KCTD2: variants seen among roughly 807,000 people sequenced by gnomAD.
KCTD2 encodes BTB/POZ domain-containing protein KCTD2.
In KCTD2, 18 loss-of-function variants were observed where a neutral mutation model predicts 27.9. The observed-to-expected ratio is 0.64, with a 90% CI of 0.45 to 0.96. The LOEUF is 0.96. Among genes scored for constraint, KCTD2 ranks in the 40% least tolerant of loss-of-function variants. The probability of loss-of-function intolerance (pLI) is 0.00; values close to 1 mark genes in which losing one functional copy is unlikely to be tolerated. For missense variants in KCTD2, 280 were observed against 348.0 expected, an observed-to-expected ratio of 0.80 and a Z score of 1.56; for synonymous variants, 175 against 148.4, an observed-to-expected ratio of 1.18 and a Z score of -1.30.
intron 5 of KCTD2, 77 bp downstream of exon 5, chr17:75,062,322 T>C: frequency 7.1e-7 from 1 of 1,410,730 alleles, no homozygotes; most frequent in South Asian, 1.4e-5. Flanking sequence ...CCTGAACTCT[T>C]GCTCCTCACT....
intron 2 of KCTD2, among the ~76,000 whole-genome samples, chr17:75,051,037 A>T (rs532394237): frequency 2.8e-5 from 4 of 143,208 alleles, no homozygotes; most frequent in Admixed American, 1.4e-4. Flanking sequence ...GCAGTGGCGC[A>T]ATCTCGGCTC....
intron 1 of KCTD2, chr17:75,033,082 C>T (rs2040079676): frequency 6.6e-6 from 1 of 152,210 alleles, no homozygotes; most frequent in African/African-American, 2.4e-5. Context: ...TGAACTTCTT[C>T]TGTTAAATCC....
At chr17:75,043,270 T>C (rs1207846439), upstream of KCTD2, among the ~76,000 whole-genome samples, 1 of 152,094 alleles carries the variant, frequency 6.6e-6, no homozygotes, top group Non-Finnish European at 1.5e-5. Context: ...AAGTGTGCAA[T>C]GTGGCATACA....
Position 75,040,322 on chromosome 17 carries a change from G to A in KCTD2, c.-259+4965G>A, listed in dbSNP as rs1373046724. 1.8e-5 allele frequency: 14 copies of A among 763,838 alleles called. No homozygotes were observed. The East Asian group carries it at 2.0e-4, about 11-fold the overall frequency. 47.3% of individuals were successfully genotyped at this position (763,838 alleles called of 1,614,324 possible). ...CTGTGTCCCAAGCGGAAACGAATAC[G>A]CATCTCAATACTGGAGTAGAAAGAA... On this transcript the variant is annotated intron_variant, in intron 3 of 7. Coordinates refer to the KCTD2 transcript ENST00000581589.
intron 3 of KCTD2, among the ~76,000 whole-genome samples, chr17:75,057,909 T>C (rs1395213700): frequency 2.0e-5 from 3 of 151,352 alleles, no homozygotes; most frequent in Admixed American, 1.3e-4. Context: ...AATACAGCAT[T>C]GTCGGCCGGA....
upstream of KCTD2, chr17:75,042,358 C>T: frequency 2.6e-6 from 4 of 1,533,942 alleles, no homozygotes; most frequent in Non-Finnish European, 3.6e-6. Flanking sequence ...TCCCTTCTTC[C>T]TATGGCCTGG....
At chr17:75,038,962 A>G (rs1567986442) in intron 3 of KCTD2, 1 of 1,614,140 alleles carries the variant, frequency 6.2e-7, no homozygotes, top group Non-Finnish European at 8.5e-7. Context: ...GGTGAGGCCA[A>G]TAGGGATACT....
chr17:75,065,709 G>C lies in KCTD2; in HGVS notation c.*2662G>C, dbSNP rs888413893. ...AGTGAGGCTGGGAGCAGGGAGCCAC[G>C]GGATGCTGAGAGAGGAGGCCCGAGA... On this transcript the variant is annotated 3_prime_UTR_variant, in exon 6 of 6. Transcript: ENST00000322444. 1.3e-5 allele frequency: 2 copies of C among 152,290 alleles called. No individual in the cohort carries two copies. Among genetic ancestry groups the C allele is most frequent in the African/African-American group, 4.8e-5 (2 of 41,446 alleles). 9.4% of individuals were successfully genotyped at this position (152,290 alleles called of 1,614,324 possible).
chr17:75,039,159 C>A (rs773900989), intron 3 of KCTD2: 3 of 1,612,416 alleles, frequency 1.9e-6, no homozygotes, highest in South Asian at 2.2e-5. Flanking sequence ...GATGTGTGGT[C>A]ATGAAAGAGA....
At position 75,065,346 on chromosome 17, in the gene KCTD2, T is replaced by C. The variant is rs111672862; in HGVS notation, c.*2299T>C. On this transcript the variant is annotated 3_prime_UTR_variant, in exon 6 of 6. Transcript: ENST00000322444. ...ACCCCCTTTAGGAACCAGGCTGGTG[T>C]TCTTGCTTGAAAGCGTTGTGCCCTC... 11 of 152,408 alleles carry C rather than the reference T, an allele frequency of 7.2e-5. No individual in the cohort carries two copies. Among genetic ancestry groups the C allele is most frequent in the African/African-American group, 2.6e-4 (11 of 41,590 alleles). The allele number at this position is 152,408 out of a possible 1,614,324, so 9.4% of individuals were successfully genotyped here.
chr17:75,044,023 CTTTTT>C (rs11312083), upstream of KCTD2, among the ~76,000 whole-genome samples: 2 of 127,708 alleles, frequency 1.6e-5, no homozygotes, highest in Non-Finnish European at 1.6e-5. Flanking sequence ...ACGTTGTGCA[CTTTTT>C]TTTTTTTTTT....
At chr17:75,042,737 T>C (rs2073173649), upstream of KCTD2, 2 of 1,375,144 alleles carry the variant, frequency 1.5e-6, no homozygotes, top group Admixed American at 4.3e-5. Context: ...AATAACAAAA[T>C]AAGAGCTCTT....
intron 2 of KCTD2, chr17:75,034,192 G>A (rs966945508): frequency 6.6e-5 from 10 of 152,158 alleles, no homozygotes; most frequent in African/African-American, 2.4e-4. Flanking sequence ...CGAAGCTGGG[G>A]AAACTCGTAA....
Position 75,063,069 on chromosome 17 carries a change from G to C in KCTD2, c.*22G>C. 1 of 1,612,504 alleles carries C rather than the reference G, an allele frequency of 6.2e-7. No individual in the cohort carries two copies. Among genetic ancestry groups the C allele is most frequent in the Non-Finnish European group, 8.5e-7 (1 of 1,178,810 alleles). ...GTAAACTAAGACCCCGAAAACTCCA[G>C]ACCTTCAGGAGAGCAGTCAGCAGAG... is the stretch of plus-strand genomic sequence containing the variant. On this transcript the variant is annotated 3_prime_UTR_variant, in exon 6 of 6. Transcript: ENST00000322444.
chr17:75,040,230 GC>G, intron 3 of KCTD2: 1 of 1,586,060 alleles, frequency 6.3e-7, no homozygotes, highest in African/African-American at 1.3e-5. Context: ...GTGAGTCGTC[GC>G]CAATACACCC....
At chr17:75,046,290 G>A (rs993227146), upstream of KCTD2, among the ~76,000 whole-genome samples, 9 of 152,082 alleles carry the variant, frequency 5.9e-5, no homozygotes, top group Non-Finnish European at 1.0e-4. Flanking sequence ...CACTACGTTG[G>A]CCAGGCTGGT....
At chr17:75,057,555 CTTT>C (rs531046978) in intron 3 of KCTD2, among the ~76,000 whole-genome samples, 2 of 133,350 alleles carry the variant, frequency 1.5e-5, no homozygotes, top group Non-Finnish European at 1.6e-5. Context: ...AGCTATACCT[CTTT>C]TTTTTTTTTT....
At chr17:75,034,421 C>A in intron 2 of KCTD2, among the ~76,000 whole-genome samples, 1 of 152,196 alleles carries the variant, frequency 6.6e-6, no homozygotes, top group East Asian at 1.9e-4. Flanking sequence ...GCGAGCACAG[C>A]CCCTCTCGAC....
chr17:75,058,802 A>C (rs1160909893), intron 3 of KCTD2, among the ~76,000 whole-genome samples: 1 of 151,362 alleles, frequency 6.6e-6, no homozygotes, highest in Non-Finnish European at 1.5e-5. Flanking sequence ...TGTCTTAAAA[A>C]ATAATAATAA....
Sources: allele counts gnomAD v4.1 joint callset (sites outside exome capture counted in the v4.1 genomes callset), GRCh38; gene constraint gnomAD v4.1.1; transcripts MANE v1.5; gene names NCBI Gene and HGNC (gene_info 2026-07-23, HGNC 2026-07-21).